PPP2R3B: variants seen among roughly 807,000 people sequenced by gnomAD.
PPP2R3B encodes serine/threonine-protein phosphatase 2A regulatory subunit B'' subunit beta.
PPP2R3B carries 68 observed loss-of-function variants against 72.9 expected under a neutral mutation model. That is an observed-to-expected ratio of 0.93 (90% CI 0.77 to 1.14). The LOEUF is 1.14. PPP2R3B is among the 50% of genes most tolerant of loss of function. The pLI, the probability that PPP2R3B is intolerant of heterozygous loss-of-function variation, is 0.00. For missense variants in PPP2R3B, 1,018 were observed against 842.0 expected, an observed-to-expected ratio of 1.21 and a Z score of -2.59; for synonymous variants, 466 against 375.8, an observed-to-expected ratio of 1.24 and a Z score of -2.78.
intron 1 of PPP2R3B, among the ~76,000 whole-genome samples, chrX:363,561 T>C (rs1400300298): frequency 7.1e-6 from 1 of 141,012 alleles, no homozygotes; most frequent in Non-Finnish European, 1.5e-5. Flanking sequence ...CCGCAGTGCA[T>C]CTCCATGAGT....
chrX:339,378 C>T (rs192670353), intron 10 of PPP2R3B, among the ~76,000 whole-genome samples: 149 of 41,908 alleles, frequency 3.6e-3, no homozygotes, highest in African/African-American at 0.014. Flanking sequence ...GCGGCGTGGA[C>T]GGTGGGGCTC....
chrX:373,679 C>A, intron 1 of PPP2R3B: 1 of 178,884 alleles, frequency 5.6e-6, no homozygotes, highest in Non-Finnish European at 1.1e-5. Flanking sequence ...GCAGGGCTCT[C>A]CGCGGGCCGG....
chrX:363,365 G>A (rs1399786654), intron 1 of PPP2R3B, among the ~76,000 whole-genome samples: 4 of 92,556 alleles, frequency 4.3e-5, no homozygotes, highest in Non-Finnish European at 6.7e-5. Flanking sequence ...GCATCTCTCC[G>A]AGCCCACCAT....
At chrX:359,490 T>G (rs2071500412) in intron 2 of PPP2R3B, among the ~76,000 whole-genome samples, 1 of 152,254 alleles carries the variant, frequency 6.6e-6, no homozygotes, top group Non-Finnish European at 1.5e-5. Context: ...TAGGTAAATA[T>G]TAGTTCTTTT....
In PPP2R3B at chrX:371,548, A is replaced by C. The variant is rs368292058; in HGVS notation, c.325-9958T>G. Among the ~76,000 whole-genome samples the C allele has an allele frequency of 5.5e-4, 84 of 151,960 alleles. 3 individuals carry two copies. Among genetic ancestry groups the C allele is most frequent in the East Asian group, 4.5e-3 (23 of 5,124 alleles). ...GTCGCACAGTCAGAAGATCAAGCTCAGGAGCACCCGCCAGGGGCTCGTGGG... is the reference window on the plus strand; with the variant it reads ...GTCGCACAGTCAGAAGATCAAGCTCCGGAGCACCCGCCAGGGGCTCGTGGG... On this transcript the variant is annotated intron_variant, in intron 1 of 12. Transcript: ENST00000390665.
At chrX:339,000 C>T (rs1414569449) in intron 10 of PPP2R3B, 104 bp from the exon 11 acceptor site, 24 of 929,276 alleles carry the variant, frequency 2.6e-5, no homozygotes, top group East Asian at 2.4e-4. Context: ...GGACGCGGCA[C>T]GAAGCTCCGG....
At chrX:373,658 G>C (rs1334567441) in intron 1 of PPP2R3B, 10 of 261,508 alleles carry the variant, frequency 3.8e-5, no homozygotes, top group South Asian at 3.3e-4. Context: ...GGAGTCGCAT[G>C]CCGCCGGCGC....
At chrX:336,265 G>A (rs1389983823) in intron 12 of PPP2R3B, 7 of 152,194 alleles carry the variant, frequency 4.6e-5, no homozygotes, top group African/African-American at 7.2e-5. Flanking sequence ...CTGGGAACAC[G>A]AGGCTGGCTG....
At chrX:346,983 T>C (rs1327267826) in intron 4 of PPP2R3B, among the ~76,000 whole-genome samples, 2 of 147,824 alleles carry the variant, frequency 1.4e-5, no homozygotes, top group East Asian at 4.0e-4. Context: ...GGCCCTCCCG[T>C]GAGGTGTGCA....
intron 2 of PPP2R3B, among the ~76,000 whole-genome samples, chrX:357,753 G>A (rs1378492832): frequency 4.6e-5 from 7 of 152,192 alleles, no homozygotes. Context: ...AGAAAAGTGT[G>A]TTTTCCTGTG....
rs189265830 is a variant in PPP2R3B at position 349,274 on chromosome X, G to A, written c.511-1581C>T. On this transcript the variant is annotated intron_variant, in intron 2 of 12. Transcript: ENST00000390665. Reference sequence around the variant, plus strand: ...GAGGACGCAGCGGGAAGGCGCCGTCGATGAACCAGGCACCACTCTGCCACA... The same window carrying A: ...GAGGACGCAGCGGGAAGGCGCCGTCAATGAACCAGGCACCACTCTGCCACA... 6.5e-3 allele frequency among the ~76,000 whole-genome samples: 984 copies of A among 152,104 alleles called. 11 individuals carry two copies. The highest frequency in any genetic ancestry group is 0.021 in the African/African-American group (887 of 41,472).
At position 351,846 on chromosome X, in the gene PPP2R3B, C is replaced by T. The variant is rs143324165; in HGVS notation, c.511-4153G>A. Among the ~76,000 whole-genome samples the T allele has an allele frequency of 2.9e-3, 445 of 152,290 alleles. 3 individuals are homozygous for T. The highest frequency in any genetic ancestry group is 0.01 in the African/African-American group (422 of 41,558). On this transcript the variant is annotated intron_variant, in intron 2 of 12. Coordinates refer to ENST00000390665, the MANE Select transcript of PPP2R3B (RefSeq NM_013239.5). ...CCAAGTAGCTGGGACCACAGGTGCG[C>T]GCTATCATGCCTGGGTAATTTTTTT...
intron 2 of PPP2R3B, among the ~76,000 whole-genome samples, chrX:355,414 C>T (rs1391118979): frequency 6.6e-6 from 1 of 152,200 alleles, no homozygotes; most frequent in Admixed American, 6.5e-5. Flanking sequence ...CAAGATTCTT[C>T]CAAGTTCATC....
At chrX:345,899 C>A (rs1037771426) in intron 6 of PPP2R3B, among the ~76,000 whole-genome samples, 40 of 114,788 alleles carry the variant, frequency 3.5e-4, no homozygotes, top group African/African-American at 1.3e-3. Context: ...GGGGGCAGCT[C>A]TGGGGGAGTC....
At chrX:380,824 CAT>C (rs1341256182) in intron 1 of PPP2R3B, among the ~76,000 whole-genome samples, 1 of 145,632 alleles carries the variant, frequency 6.9e-6, no homozygotes, top group Non-Finnish European at 1.5e-5. Context: ...AGCTCATCCA[CAT>C]GAGGTTCTTA....
rs776411990 is a variant in PPP2R3B at position 341,979 on chromosome X, C to T, written c.1037-48G>A. On this transcript the variant is annotated intron_variant, in intron 7 of 12. Transcript: ENST00000390665. The stretch of plus-strand genomic sequence containing the variant: ...GGCAGCCCGCACCGTGCCTCGGCCC[C>T]GACGTCACCACCCCCCGGAGCCGAG... 5.3e-5 allele frequency: 85 copies of T among 1,605,538 alleles called. No homozygotes were observed. The Admixed American group carries it at 1.2e-3, about 22-fold the overall frequency.
intron 1 of PPP2R3B, among the ~76,000 whole-genome samples, chrX:371,240 G>GT (rs2071855452): frequency 6.6e-6 from 1 of 152,120 alleles, no homozygotes; most frequent in African/African-American, 2.4e-5. Context: ...CATGAGCCGT[G>GT]TAACACGCCA....
intron 12 of PPP2R3B, 177 bp from the exon 13 acceptor site, chrX:334,694 C>A: frequency 2.7e-6 from 2 of 730,574 alleles, no homozygotes; most frequent in Non-Finnish European, 4.0e-6. Context: ...GCCGGCTCCA[C>A]GAATGCTCCC....
At position 386,560 on chromosome X, in the gene PPP2R3B, C is replaced by G; in HGVS notation, c.132G>C (p.Arg44=). ...CCCCGTCCCCCGGGGTCGGCTGGTCCCGCCCGGGCGCCTTGATCCGGCGCA... is the reference window on the plus strand; with the variant it reads ...CCCCGTCCCCCGGGGTCGGCTGGTCGCGCCCGGGCGCCTTGATCCGGCGCA... ...DCLRRIKAPG[R]DQPTPGDGEQ... The change falls in exon 1 of 13, where the codon CGG becomes CGC. Residue 44 remains arginine, a synonymous_variant. Coordinates refer to ENST00000390665, the MANE Select transcript of PPP2R3B (RefSeq NM_013239.5). 1 of 1,437,584 alleles carries G rather than the reference C, an allele frequency of 7.0e-7. No individual in the cohort carries two copies. Among genetic ancestry groups the G allele is most frequent in the South Asian group, 1.3e-5 (1 of 74,978 alleles). The allele number at this position is 1,437,584 out of a possible 1,614,324, so 89.1% of individuals were successfully genotyped here. A position where few individuals can be genotyped will look rare whatever the true frequency, so the allele number is the denominator to read the frequency against.
Sources: allele counts gnomAD v4.1 joint callset (sites outside exome capture counted in the v4.1 genomes callset), GRCh38; gene constraint gnomAD v4.1.1; transcripts MANE v1.5; gene names NCBI Gene and HGNC (gene_info 2026-07-23, HGNC 2026-07-21).